The following GRID2 variants were observed in gnomAD, a reference collection of about 807,000 sequenced individuals.
GRID2 encodes the protein glutamate ionotropic receptor delta type subunit 2, also known as glutamate receptor ionotropic, delta-2.
In GRID2, 33 loss-of-function variants were observed where a neutral mutation model predicts 114.8. The ratio of observed to expected loss-of-function variants is 0.29; its 90% CI spans 0.22 to 0.38. GRID2 has a LOEUF of 0.38. Ranked by LOEUF, GRID2 falls within the 10% of genes least tolerant of loss-of-function variation. The probability of loss-of-function intolerance (pLI) is 1.00; values close to 1 mark genes in which losing one functional copy is unlikely to be tolerated. For synonymous variants in GRID2, 505 were observed against 449.9 expected, an observed-to-expected ratio of 1.12 and a Z score of -1.55; for missense variants, 1,184 against 1,257.7, an observed-to-expected ratio of 0.94 and a Z score of 0.89.
chr4:92,419,446 G>C (rs757098939), intron 1 of GRID2, among the ~76,000 whole-genome samples: 1 of 151,882 alleles, frequency 6.6e-6, no homozygotes, highest in Non-Finnish European at 1.5e-5. Context: ...TGTCAGTTCT[G>C]GTAAATTAAG....
Position 93,394,098 on chromosome 4 carries a change from A to G in GRID2, c.1246-1509A>G, listed in dbSNP as rs371410432. ...GAAGTAATTAGAAAAAGCACACATC[A>G]GGGAATGTAATTGAAGATAGACTTT... On this transcript the variant is annotated intron_variant, in intron 8 of 15. Coordinates refer to ENST00000282020, the MANE Select transcript of GRID2 (RefSeq NM_001510.4). 3.3e-5 allele frequency among the ~76,000 whole-genome samples: 5 copies of G among 152,012 alleles called. 1 individual carries two copies. In the East Asian group the frequency reaches 7.7e-4, roughly 23 times the overall value.
At chr4:92,395,516 C>A (rs1730450794) in intron 1 of GRID2, among the ~76,000 whole-genome samples, 1 of 151,584 alleles carries the variant, frequency 6.6e-6, no homozygotes, top group African/African-American at 2.4e-5. Flanking sequence ...TATAAGAGCA[C>A]CAAAATGTTA....
At chr4:92,965,957 T>A (rs1363155826) in intron 2 of GRID2, among the ~76,000 whole-genome samples, 8 of 151,896 alleles carry the variant, frequency 5.3e-5, no homozygotes, top group Admixed American at 5.3e-4. Context: ...ATTTATAAAG[T>A]TCATACCTTT....
intron 8 of GRID2, among the ~76,000 whole-genome samples, chr4:93,324,520 G>C (rs964862577): frequency 1.3e-5 from 2 of 152,124 alleles, no homozygotes; most frequent in Admixed American, 1.3e-4. Context: ...GTCTCTGCCA[G>C]CCTTTGGTAT....
At chr4:93,178,486 C>T (rs1044753484) in intron 4 of GRID2, among the ~76,000 whole-genome samples, 1 of 133,494 alleles carries the variant, frequency 7.5e-6, no homozygotes, top group African/African-American at 2.8e-5. Flanking sequence ...AACTTGAACT[C>T]CTGGGCTCAA....
chr4:93,338,043 G>T (rs1490711667), intron 8 of GRID2, among the ~76,000 whole-genome samples: 1 of 151,982 alleles, frequency 6.6e-6, no homozygotes, highest in Non-Finnish European at 1.5e-5. Flanking sequence ...GGCTCTCCAG[G>T]TTTAGTCCCA....
Position 93,261,977 on chromosome 4 carries a change from A to G in GRID2, c.1245+23487A>G, listed in dbSNP as rs968430370. 9.2e-5 allele frequency among the ~76,000 whole-genome samples: 14 copies of G among 151,764 alleles called. No homozygotes were observed. In the South Asian group the frequency reaches 2.7e-3, roughly 29 times the overall value. ...CCAAAATAGGCTCAAGGGCCAAACC[A>G]TAGTTTACTGACCCCTGATCTTATC... On this transcript the variant is annotated intron_variant, in intron 8 of 15. Transcript: ENST00000282020.
chr4:93,163,324 C>T (rs535339896), intron 4 of GRID2, among the ~76,000 whole-genome samples: 1 of 124,608 alleles, frequency 8.0e-6, no homozygotes, highest in African/African-American at 3.3e-5. Context: ...ATTATAAATG[C>T]CTTTATTTTC....
intron 13 of GRID2, among the ~76,000 whole-genome samples, chr4:93,622,229 G>A (rs186239564): frequency 6.6e-5 from 10 of 152,266 alleles, no homozygotes; most frequent in Admixed American, 2.0e-4. Context: ...AACTCTGTGG[G>A]TGAGAAATCA....
rs1457270978 is a variant in GRID2, at chr4:93,594,597, A to C, written c.2194-31672A>C. Among the ~76,000 whole-genome samples the C allele has an allele frequency of 9.0e-4, 136 of 151,910 alleles. 2 individuals are homozygous for C. The highest frequency in any genetic ancestry group is 8.6e-3 in the Admixed American group (132 of 15,264). The stretch of plus-strand genomic sequence containing the variant: ...TGGGCTCCACCCAGTTCGAGCTTCC[A>C]GGCTGCTTTGTTTACCTAAGCAAGC... On this transcript the variant is annotated intron_variant, in intron 13 of 15. Coordinates refer to ENST00000282020, the MANE Select transcript of GRID2 (RefSeq NM_001510.4).
intron 13 of GRID2, among the ~76,000 whole-genome samples, chr4:93,519,166 T>A (rs1418696501): frequency 6.6e-6 from 1 of 152,130 alleles, no homozygotes; most frequent in African/African-American, 2.4e-5. Context: ...ACATCCTAAG[T>A]TGGCTTTTTC....
chr4:92,444,678 A>G (rs780056448), intron 1 of GRID2, among the ~76,000 whole-genome samples: 1 of 152,116 alleles, frequency 6.6e-6, no homozygotes, highest in Non-Finnish European at 1.5e-5. Flanking sequence ...ATATAATGTA[A>G]AAAGGGGGCG....
At chr4:92,938,561 A>G (rs928678404) in intron 2 of GRID2, among the ~76,000 whole-genome samples, 1 of 145,204 alleles carries the variant, frequency 6.9e-6, no homozygotes, top group African/African-American at 2.4e-5. Flanking sequence ...ATTAATGTCA[A>G]TATTTCTTTT....
At chr4:92,982,106 C>T (rs917674162) in intron 2 of GRID2, among the ~76,000 whole-genome samples, 1 of 149,336 alleles carries the variant, frequency 6.7e-6, no homozygotes, top group Admixed American at 6.6e-5. Context: ...AAGTAGGAGT[C>T]TCATTTTTAC....
chr4:93,416,068 G>C (rs552543093), intron 9 of GRID2, among the ~76,000 whole-genome samples: 1 of 151,826 alleles, frequency 6.6e-6, no homozygotes, highest in South Asian at 2.1e-4. Flanking sequence ...TGCATATCCC[G>C]ATGATCTGCT....
intron 2 of GRID2, among the ~76,000 whole-genome samples, chr4:92,988,075 C>T (rs1338835786): frequency 6.6e-6 from 1 of 152,130 alleles, no homozygotes; most frequent in African/African-American, 2.4e-5. Flanking sequence ...ATGGCTGTGT[C>T]ACACATTATT....
chr4:92,992,202 A>C (rs1007375107), intron 2 of GRID2, among the ~76,000 whole-genome samples: 2 of 152,156 alleles, frequency 1.3e-5, no homozygotes, highest in African/African-American at 2.4e-5. Flanking sequence ...TCATAAGGTA[A>C]ATACGGGACT....
At chr4:92,619,897 T>TTTA (rs1730184162) in intron 2 of GRID2, among the ~76,000 whole-genome samples, 1 of 146,864 alleles carries the variant, frequency 6.8e-6, no homozygotes, top group Non-Finnish European at 1.5e-5. Flanking sequence ...TACACATGCC[T>TTTA]TTTTTTTTCC....
chr4:92,632,736 G>A (rs969341745), intron 2 of GRID2, among the ~76,000 whole-genome samples: 7 of 147,902 alleles, frequency 4.7e-5, no homozygotes, highest in African/African-American at 1.7e-4. Flanking sequence ...AGGGAAGGAA[G>A]GGAAGAAGTG....
Sources: allele counts gnomAD v4.1 joint callset (sites outside exome capture counted in the v4.1 genomes callset), GRCh38; gene constraint gnomAD v4.1.1; transcripts MANE v1.5; gene names NCBI Gene and HGNC (gene_info 2026-07-23, HGNC 2026-07-21).